The following XKR4 variants were observed in gnomAD, a reference collection of about 807,000 sequenced individuals.
XKR4 encodes XK-related protein 4.
XKR4 carries 12 observed loss-of-function variants against 53.9 expected under a neutral mutation model. The ratio of observed to expected loss-of-function variants is 0.22; its 90% CI spans 0.14 to 0.36. The LOEUF is 0.36. Among genes scored for constraint, XKR4 ranks in the 10% least tolerant of loss-of-function variants. The probability of loss-of-function intolerance (pLI) is 1.00; values close to 1 mark genes in which losing one functional copy is unlikely to be tolerated. For synonymous variants in XKR4, 354 were observed against 362.4 expected (o/e 0.98, Z 0.26); for missense variants, 799 against 859.5 (o/e 0.93, Z 0.88).
At chr8:55,344,215 T>C (rs1019251697) in intron 1 of XKR4, among the ~76,000 whole-genome samples, 1 of 152,204 alleles carries the variant, frequency 6.6e-6, no homozygotes, top group African/African-American at 2.4e-5. Context: ...TTTTCAGTTA[T>C]CTTTTAAAAC....
chr8:55,291,799 T>G (rs1563317093), intron 1 of XKR4, among the ~76,000 whole-genome samples: 1 of 152,190 alleles, frequency 6.6e-6, no homozygotes, highest in East Asian at 1.9e-4. Flanking sequence ...TCATGTCATC[T>G]GCAAATAGGG....
intron 2 of XKR4, chr8:55,453,664 G>C: frequency 2.4e-6 from 1 of 419,056 alleles, no homozygotes; most frequent in Non-Finnish European, 4.6e-6. Flanking sequence ...CATCCAGCCA[G>C]GGGAAGGGCC....
chr8:55,330,780 A>C (rs1803372172), intron 1 of XKR4, among the ~76,000 whole-genome samples: 1 of 152,112 alleles, frequency 6.6e-6, no homozygotes, highest in Admixed American at 6.6e-5. Context: ...GGCATGAAGT[A>C]CTTCTTCCCT....
In XKR4 at chr8:55,213,856, C is replaced by CTTTTTTTTTTTTTTTTT. The variant is rs11433893; in HGVS notation, c.806+110573_806+110589dup. Reference sequence around the variant, plus strand: ...TTAATACTTCTTTTTTTCTTTCTTTCTTTTTTTTTTTTTTTTTTTTTTTTT... The same window carrying CTTTTTTTTTTTTTTTTT: ...TTAATACTTCTTTTTTTCTTTCTTTCTTTTTTTTTTTTTTTTTTTTTTTTTTTTTTTTTTTTTTTTTT... On this transcript the variant is annotated intron_variant, in intron 1 of 2. Coordinates refer to ENST00000327381, the MANE Select transcript of XKR4 (RefSeq NM_052898.2). Among the ~76,000 whole-genome samples the CTTTTTTTTTTTTTTTTT allele has an allele frequency of 2.2e-3, 178 of 82,360 alleles. 2 individuals are homozygous for CTTTTTTTTTTTTTTTTT. The highest frequency in any genetic ancestry group is 4.7e-3 in the East Asian group (10 of 2,128). 54.0% of individuals were successfully genotyped at this position (82,360 alleles called of 152,430 possible). A position where few individuals can be genotyped will look rare whatever the true frequency, so the allele number is the denominator to read the frequency against.
intron 1 of XKR4, among the ~76,000 whole-genome samples, chr8:55,149,652 CT>C (rs1816815782): frequency 6.6e-6 from 1 of 152,158 alleles, no homozygotes; most frequent in Admixed American, 6.5e-5. Context: ...ATGCCCCAAG[CT>C]CTGGCCTTTG....
intron 1 of XKR4, among the ~76,000 whole-genome samples, chr8:55,190,147 A>T (rs1331743793): frequency 6.6e-6 from 1 of 151,706 alleles, no homozygotes; most frequent in East Asian, 2.0e-4. Flanking sequence ...GAGCCTGTGA[A>T]GGTTTGTCCT....
intron 1 of XKR4, among the ~76,000 whole-genome samples, chr8:55,279,614 G>T (rs1304590201): frequency 6.6e-6 from 1 of 152,184 alleles, no homozygotes; most frequent in African/African-American, 2.4e-5. Flanking sequence ...TGGTTTGAAA[G>T]CTTCCTCTGA....
At chr8:55,141,243 TG>T (rs1816697616) in intron 1 of XKR4, among the ~76,000 whole-genome samples, 1 of 152,338 alleles carries the variant, frequency 6.6e-6, no homozygotes, top group Non-Finnish European at 1.5e-5. Flanking sequence ...GCAGCCTGGC[TG>T]TCGCAGGACC....
chr8:55,464,635 G>T (rs539371605), intron 2 of XKR4, among the ~76,000 whole-genome samples: 1 of 152,232 alleles, frequency 6.6e-6, no homozygotes, highest in Admixed American at 6.5e-5. Flanking sequence ...GTTCAGGCCA[G>T]GGCAATCAGG....
intron 2 of XKR4, among the ~76,000 whole-genome samples, chr8:55,381,912 A>C (rs1804239833): frequency 1.3e-5 from 2 of 152,356 alleles, no homozygotes; most frequent in South Asian, 4.1e-4. Context: ...GTGCGGGGGC[A>C]CTGAGATCCA....
chr8:55,292,431 A>G (rs1237704328), intron 1 of XKR4, among the ~76,000 whole-genome samples: 1 of 152,062 alleles, frequency 6.6e-6, no homozygotes. Context: ...TGTCAGATTT[A>G]TATGTACAGA....
At chr8:55,194,025 C>T (rs1250728052) in intron 1 of XKR4, among the ~76,000 whole-genome samples, 2 of 152,196 alleles carry the variant, frequency 1.3e-5, no homozygotes, top group South Asian at 2.1e-4. Flanking sequence ...ACAGAGCTCC[C>T]TGCCTGGGTC....
intron 1 of XKR4, among the ~76,000 whole-genome samples, chr8:55,289,738 A>G (rs1471230128): frequency 3.6e-4 from 5 of 14,080 alleles, no homozygotes; most frequent in Admixed American, 9.3e-4. Flanking sequence ...AGAAAGAAAG[A>G]AAGAAAAAGA....
intron 1 of XKR4, among the ~76,000 whole-genome samples, chr8:55,273,960 A>G (rs1033866216): frequency 6.6e-6 from 1 of 152,236 alleles, no homozygotes; most frequent in Non-Finnish European, 1.5e-5. Flanking sequence ...GAGGGTAGAT[A>G]TGAAGCCTTC....
At position 55,266,265 on chromosome 8, in the gene XKR4, G is replaced by A. The variant is rs114624204; in HGVS notation, c.807-91413G>A. On this transcript the variant is annotated intron_variant, in intron 1 of 2. Coordinates refer to ENST00000327381, the MANE Select transcript of XKR4 (RefSeq NM_052898.2). ...GGAGTGATGTGAGCGCAGTACAGTG[G>A]GGCTTTCTAGGGGTATGGAGCAACC... 4.5e-3 allele frequency among the ~76,000 whole-genome samples: 683 copies of A among 151,836 alleles called. 5 individuals carry two copies. The highest frequency in any genetic ancestry group is 0.015 in the African/African-American group (637 of 41,404).
chr8:55,449,436 G>A (rs1805393159), intron 2 of XKR4: 6 of 738,088 alleles, frequency 8.1e-6, no homozygotes, highest in Non-Finnish European at 1.4e-5. Flanking sequence ...TGTAAACATG[G>A]CCAGGGCTGC....
Position 55,103,301 on chromosome 8 carries a change from T to C in XKR4, c.806+7T>C. On this transcript the variant is annotated splice_region_variant and intron_variant, in intron 1 of 2. Coordinates refer to ENST00000327381, the MANE Select transcript of XKR4 (RefSeq NM_052898.2). ...AGCTCGGGCAAATCTGGAGGTACTG[T>C]AATGGGTGGGGGAAAAGGGAGGCTT... 2 of 1,589,322 alleles carry C rather than the reference T, an allele frequency of 1.3e-6. No individual in the cohort carries two copies. The highest frequency in any genetic ancestry group is 1.7e-6 in the Non-Finnish European group (2 of 1,165,108).
Position 55,526,649 on chromosome 8 carries a change from A to G in XKR4, c.*2422A>G, listed in dbSNP as rs1038312665. On this transcript the variant is annotated 3_prime_UTR_variant, in exon 3 of 3. Transcript: ENST00000327381. ...ATGATCTTTGGAAATTGAGTTTCTC[A>G]GTTGAACTGTACCTTTGATTCTATG... 1 of 152,236 alleles carries G rather than the reference A, an allele frequency of 6.6e-6. No individual in the cohort carries two copies. The highest frequency in any genetic ancestry group is 2.1e-4 in the South Asian group (1 of 4,834). The allele number at this position is 152,236 out of a possible 1,614,324, so 9.4% of individuals were successfully genotyped here. A position where few individuals can be genotyped will look rare whatever the true frequency, so the allele number is the denominator to read the frequency against.
chr8:55,304,795 T>C (rs1819267062), intron 1 of XKR4, among the ~76,000 whole-genome samples: 1 of 152,172 alleles, frequency 6.6e-6, no homozygotes, highest in East Asian at 1.9e-4. Context: ...TAAGGTCTGT[T>C]TTATCAGAGA....
Sources: allele counts gnomAD v4.1 joint callset (sites outside exome capture counted in the v4.1 genomes callset), GRCh38; gene constraint gnomAD v4.1.1; transcripts MANE v1.5; gene names NCBI Gene and HGNC (gene_info 2026-07-23, HGNC 2026-07-21).